The following PDE3A variants were observed in gnomAD, a reference collection of about 807,000 sequenced individuals.
PDE3A encodes cGMP-inhibited 3',5'-cyclic phosphodiesterase 3A.
A neutral mutation model predicts 98.3 loss-of-function variants in PDE3A; 43 were observed. The observed-to-expected ratio is 0.44, with a 90% CI of 0.34 to 0.56. PDE3A has a LOEUF of 0.56. PDE3A is among the 20% of genes least tolerant of loss of function. PDE3A has a pLI of 0.01. For synonymous variants in PDE3A, 663 were observed against 567.9 expected (o/e 1.17, Z -2.38); for missense variants, 1,427 against 1,440.7 (o/e 0.99, Z 0.15).
intron 2 of PDE3A, among the ~76,000 whole-genome samples, chr12:20,581,796 T>C (rs371753996): frequency 6.6e-6 from 1 of 151,770 alleles, no homozygotes; most frequent in Admixed American, 6.6e-5. Context: ...GTATTTTTAG[T>C]AGAGACGGGG....
At chr12:20,610,124 A>ACAG (rs1943811982) in intron 2 of PDE3A, among the ~76,000 whole-genome samples, 1 of 632 alleles carries the variant, frequency 1.6e-3, no homozygotes. Context: ...ACAGACTGGG[A>ACAG]AAAAAAATAT....
chr12:20,500,917 G>A (rs759625768), intron 1 of PDE3A, among the ~76,000 whole-genome samples: 3 of 151,758 alleles, frequency 2.0e-5, no homozygotes, highest in Admixed American at 6.6e-5. Context: ...ACAAGTGTGC[G>A]CTACTATGCC....
chr12:20,636,852 G>T (rs1426053595), intron 8 of PDE3A, among the ~76,000 whole-genome samples: 2 of 152,158 alleles, frequency 1.3e-5, no homozygotes, highest in African/African-American at 4.8e-5. Flanking sequence ...GAGTGTATAT[G>T]GACCAGTGAT....
chr12:20,456,849 T>C (rs1472352208), intron 1 of PDE3A, among the ~76,000 whole-genome samples: 1 of 152,050 alleles, frequency 6.6e-6, no homozygotes, highest in Non-Finnish European at 1.5e-5. Flanking sequence ...GCAAAGGGCG[T>C]ATGCTTTTGG....
intron 1 of PDE3A, among the ~76,000 whole-genome samples, chr12:20,476,923 C>T (rs915998022): frequency 6.6e-6 from 1 of 152,106 alleles, no homozygotes; most frequent in Non-Finnish European, 1.5e-5. Flanking sequence ...GTGTCATTAA[C>T]AATAAAGTGG....
chr12:20,628,834 G>A (rs1944320062), intron 5 of PDE3A, among the ~76,000 whole-genome samples: 1 of 152,140 alleles, frequency 6.6e-6, no homozygotes, highest in African/African-American at 2.4e-5. Context: ...TCTTTTCAGT[G>A]GACCAGAAAA....
chr12:20,370,400 GTTTTTTTTGTTT>G (rs1163133074), intron 1 of PDE3A, 156 bp downstream of exon 1: 9 of 359,856 alleles, frequency 2.5e-5, no homozygotes, highest in Non-Finnish European at 3.2e-5. Flanking sequence ...TTTTTTTTTT[GTTTTTTTTGTTT>G]TTTTTTTTTT....
At chr12:20,373,373 T>C (rs1290802277) in intron 1 of PDE3A, among the ~76,000 whole-genome samples, 1 of 152,082 alleles carries the variant, frequency 6.6e-6, no homozygotes, top group Non-Finnish European at 1.5e-5. Context: ...GCCCGAAACA[T>C]GGGAATATAC....
At chr12:20,406,472 G>A (rs1944235239) in intron 1 of PDE3A, among the ~76,000 whole-genome samples, 1 of 152,134 alleles carries the variant, frequency 6.6e-6, no homozygotes, top group African/African-American at 2.4e-5. Flanking sequence ...TTCCCCGGAT[G>A]ATTACTGAAG....
chr12:20,381,641 CCAAGA>C (rs1943665941), intron 1 of PDE3A, among the ~76,000 whole-genome samples: 1 of 151,792 alleles, frequency 6.6e-6, no homozygotes, highest in South Asian at 2.1e-4. Flanking sequence ...TCATTAGTTT[CCAAGA>C]CATTGATTCT....
intron 15 of PDE3A, among the ~76,000 whole-genome samples, chr12:20,666,261 G>A (rs867104809): frequency 4.6e-5 from 7 of 151,982 alleles, no homozygotes; most frequent in African/African-American, 9.7e-5. Context: ...CACTGCACCC[G>A]GCCATATTTA....
chr12:20,658,303 G>C (rs1262942585), intron 15 of PDE3A, among the ~76,000 whole-genome samples: 1 of 152,090 alleles, frequency 6.6e-6, no homozygotes, highest in South Asian at 2.1e-4. Context: ...TTCAAACTTT[G>C]CTTGGAATAC....
At chr12:20,672,821 A>G (rs1827169984) in intron 15 of PDE3A, among the ~76,000 whole-genome samples, 1 of 134,750 alleles carries the variant, frequency 7.4e-6, no homozygotes, top group Admixed American at 7.7e-5. Context: ...ACCAAAAGCA[A>G]TGGCAACAAA....
rs192996661 is a variant in PDE3A at position 20,554,226 on chromosome 12, G to T, written c.961-2434G>T. Among the ~76,000 whole-genome samples the T allele has an allele frequency of 1.7e-4, 26 of 151,046 alleles. 1 individual carries two copies. In the East Asian group the frequency reaches 4.5e-3, roughly 26 times the overall value. On this transcript the variant is annotated intron_variant, in intron 1 of 15. Coordinates refer to ENST00000359062, the MANE Select transcript of PDE3A (RefSeq NM_000921.5). ...AAACTGGAGCAATGTTATTTTTAAA[G>T]GGTTTTTTTTCACCTCCTTATTCTT...
chr12:20,420,025 A>G (rs1383748257), intron 1 of PDE3A, among the ~76,000 whole-genome samples: 1 of 152,186 alleles, frequency 6.6e-6, no homozygotes, highest in Non-Finnish European at 1.5e-5. Context: ...ATCGAATATC[A>G]TTAAAAAGAA....
chr12:20,455,606 T>G (rs1945140385), intron 1 of PDE3A, among the ~76,000 whole-genome samples: 1 of 152,198 alleles, frequency 6.6e-6, no homozygotes, highest in Non-Finnish European at 1.5e-5. Flanking sequence ...TGTTATGGAA[T>G]TCAGTATTTA....
At chr12:20,619,952 A>T (rs73080764) in intron 4 of PDE3A, among the ~76,000 whole-genome samples, 15,127 of 152,100 alleles carry the variant, frequency 0.099, 867 homozygotes, top group East Asian at 0.2. Context: ...CTAGTAATTA[A>T]TGGATACAGA....
chr12:20,643,096 T>G (rs1184698342), intron 10 of PDE3A, among the ~76,000 whole-genome samples: 1 of 152,076 alleles, frequency 6.6e-6, no homozygotes, highest in East Asian at 1.9e-4. Flanking sequence ...GTGTACCATG[T>G]GCTAGTGTAT....
chr12:20,468,115 G>A (rs1945375626), intron 1 of PDE3A, among the ~76,000 whole-genome samples: 1 of 151,944 alleles, frequency 6.6e-6, no homozygotes, highest in South Asian at 2.1e-4. Context: ...TTTTAAAATA[G>A]CAACATTGTT....
Sources: gnomAD v4.1 joint callset for allele counts (sites outside exome capture counted in the v4.1 genomes callset) on GRCh38, gnomAD v4.1.1 for gene constraint, MANE v1.5 for transcripts, NCBI Gene and HGNC (gene_info 2026-07-23, HGNC 2026-07-21) for gene names.